The following SYT9 variants were observed in gnomAD, a reference collection of about 807,000 sequenced individuals.
SYT9 encodes synaptotagmin-9.
In SYT9, 22 loss-of-function variants were observed where a neutral mutation model predicts 48.4. The observed-to-expected ratio is 0.45, with a 90% CI of 0.32 to 0.65. The LOEUF is 0.65. Among genes scored for constraint, SYT9 ranks in the 30% least tolerant of loss-of-function variants. The pLI is 0.03. For missense variants in SYT9, 577 were observed against 622.0 expected, an observed-to-expected ratio of 0.93 and a Z score of 0.77; for synonymous variants, 265 against 245.0, an observed-to-expected ratio of 1.08 and a Z score of -0.76.
chr11:7,462,719 T>A (rs570050915), intron 6 of SYT9, among the ~76,000 whole-genome samples: 1 of 152,218 alleles, frequency 6.6e-6, no homozygotes, highest in Non-Finnish European at 1.5e-5. Flanking sequence ...AAATGTAAAT[T>A]TAACAATATT....
At chr11:7,379,051 T>C (rs1283778468) in intron 3 of SYT9, among the ~76,000 whole-genome samples, 1 of 152,178 alleles carries the variant, frequency 6.6e-6, no homozygotes, top group Non-Finnish European at 1.5e-5. Context: ...TTGGGTTTTT[T>C]CTTATTGAGT....
intron 3 of SYT9, among the ~76,000 whole-genome samples, chr11:7,415,122 A>G (rs889197302): frequency 3.3e-5 from 5 of 151,962 alleles, no homozygotes; most frequent in Admixed American, 2.6e-4. Context: ...GAGTCTTTAG[A>G]GGCACGCCAG....
intron 6 of SYT9, among the ~76,000 whole-genome samples, chr11:7,432,585 ATATATACATATATATATATATAT>A: frequency 1.1e-3 from 3 of 2,652 alleles, no homozygotes; most frequent in Admixed American, 5.0e-3. Flanking sequence ...AAAAAAAAAT[ATATATACATATATATATATATAT>A]ATATATATAT....
intron 3 of SYT9, among the ~76,000 whole-genome samples, chr11:7,349,579 G>T (rs1382394634): frequency 6.6e-6 from 1 of 152,122 alleles, no homozygotes; most frequent in Non-Finnish European, 1.5e-5. Context: ...CATACAGCAA[G>T]GGCTGGGTTT....
chr11:7,355,740 A>AC (rs1850009401), intron 3 of SYT9, among the ~76,000 whole-genome samples: 1 of 152,246 alleles, frequency 6.6e-6, no homozygotes, highest in South Asian at 2.1e-4. Context: ...TGATATATAG[A>AC]CAGAAAGGAA....
chr11:7,397,565 T>C (rs1846780207), intron 3 of SYT9, among the ~76,000 whole-genome samples: 2 of 152,174 alleles, frequency 1.3e-5, no homozygotes, highest in South Asian at 2.1e-4. Flanking sequence ...AAATATATAT[T>C]GGGATTTTGA....
At chr11:7,403,091 T>C (rs1440080059) in intron 3 of SYT9, among the ~76,000 whole-genome samples, 1 of 152,188 alleles carries the variant, frequency 6.6e-6, no homozygotes, top group Non-Finnish European at 1.5e-5. Flanking sequence ...GAAGCTGAGG[T>C]TATTGACATG....
intron 5 of SYT9, among the ~76,000 whole-genome samples, chr11:7,419,162 C>A (rs191391069): frequency 3.3e-5 from 5 of 152,346 alleles, no homozygotes; most frequent in Admixed American, 3.3e-4. Flanking sequence ...AGTGTCAGGC[C>A]CCAGTAGGGG....
At chr11:7,334,057 A>G (rs1849590846) in intron 3 of SYT9, among the ~76,000 whole-genome samples, 2 of 152,314 alleles carry the variant, frequency 1.3e-5, no homozygotes, top group East Asian at 1.9e-4. Flanking sequence ...AAGCTGAGAC[A>G]AAAGGATAGT....
chr11:7,421,753 A>G (rs151020658), intron 6 of SYT9, among the ~76,000 whole-genome samples: 50 of 152,370 alleles, frequency 3.3e-4, no homozygotes, highest in Non-Finnish European at 6.2e-4. Flanking sequence ...TACAGAAAAT[A>G]CAGATATGAA....
chr11:7,465,606 G>A (rs959609888), intron 6 of SYT9: 1 of 152,354 alleles, frequency 6.6e-6, no homozygotes, highest in East Asian at 1.9e-4. Flanking sequence ...TTCCTTAAGA[G>A]AGCCCCTCCT....
chr11:7,239,215 T>A (rs1847715181), intron 1 of SYT9, among the ~76,000 whole-genome samples: 1 of 152,116 alleles, frequency 6.6e-6, no homozygotes, highest in Non-Finnish European at 1.5e-5. Context: ...TAATATGGAA[T>A]GAAGTAGCTC....
At chr11:7,322,008 G>T (rs1849346593) in intron 3 of SYT9, among the ~76,000 whole-genome samples, 1 of 152,124 alleles carries the variant, frequency 6.6e-6, no homozygotes, top group South Asian at 2.1e-4. Context: ...AATAAGTCCT[G>T]CTTGTGTCCT....
chr11:7,294,669 C>T (rs1848761340), intron 1 of SYT9, among the ~76,000 whole-genome samples: 2 of 152,164 alleles, frequency 1.3e-5, no homozygotes, highest in Admixed American at 1.3e-4. Flanking sequence ...ATATTCTGCC[C>T]CCCAGGCTCA....
chr11:7,356,538 C>T (rs1265401272), intron 3 of SYT9, among the ~76,000 whole-genome samples: 1 of 152,152 alleles, frequency 6.6e-6, no homozygotes, highest in Non-Finnish European at 1.5e-5. Context: ...AGACACCCTG[C>T]TGCACATTAC....
chr11:7,393,559 TTTC>T (rs928562279), intron 3 of SYT9, among the ~76,000 whole-genome samples: 28 of 152,074 alleles, frequency 1.8e-4, no homozygotes, highest in African/African-American at 6.5e-4. Context: ...GACCTGTAAT[TTTC>T]TTTTTTGTTG....
chr11:7,411,985 T>C (rs943269164), intron 3 of SYT9, among the ~76,000 whole-genome samples: 2 of 152,186 alleles, frequency 1.3e-5, no homozygotes, highest in Non-Finnish European at 2.9e-5. Context: ...TCTAATCTAT[T>C]GTTGGAGGTT....
chr11:7,407,206 A>T lies in SYT9; in HGVS notation c.1045-8836A>T, dbSNP rs917053651. On this transcript the variant is annotated intron_variant, in intron 3 of 6. Transcript: ENST00000318881. ...TGTGCATGAGCTTTTAAATTTAATA[A>T]ATTTAATATAATCCCATTTGTTTAT... 2.6e-5 allele frequency among the ~76,000 whole-genome samples: 4 copies of T among 152,060 alleles called. No individual in the cohort carries two copies. In the East Asian group the frequency reaches 5.8e-4, roughly 22 times the overall value.
intron 6 of SYT9, chr11:7,444,164 T>G (rs1459196000): frequency 6.6e-6 from 1 of 152,240 alleles, no homozygotes; most frequent in Non-Finnish European, 1.5e-5. Flanking sequence ...CAGTATGAAC[T>G]GACAGGTCTG....
Sources: gnomAD v4.1 joint callset for allele counts (sites outside exome capture counted in the v4.1 genomes callset) on GRCh38, gnomAD v4.1.1 for gene constraint, MANE v1.5 for transcripts, NCBI Gene and HGNC (gene_info 2026-07-23, HGNC 2026-07-21) for gene names.